The following ATP8A2 variants were observed in gnomAD, a reference collection of about 807,000 sequenced individuals.
ATP8A2 encodes ATPase phospholipid transporting 8A2, also known as phospholipid-transporting ATPase IB.
A neutral mutation model predicts 165.6 loss-of-function variants in ATP8A2; 100 were observed. The observed-to-expected ratio is 0.60, with a 90% CI of 0.51 to 0.71. ATP8A2 has a LOEUF of 0.71. ATP8A2 is among the 30% of genes least tolerant of loss of function. The pLI is 0.00. For synonymous variants in ATP8A2, 543 were observed against 548.8 expected (o/e 0.99, Z 0.15); for missense variants, 1,227 against 1,479.5 (o/e 0.83, Z 2.80).
chr13:25,988,892 A>C (rs1204116295), intron 35 of ATP8A2, among the ~76,000 whole-genome samples: 1 of 152,148 alleles, frequency 6.6e-6, no homozygotes, highest in East Asian at 1.9e-4. Context: ...GGGAGTTATT[A>C]TATTCTCCAC....
chr13:25,828,102 C>T lies in ATP8A2; in HGVS notation c.2680-16C>T. ...CAATATTGATATAAAACTTCATGAGCTTTCTTCTCTTTCAGCTTTGGTTCG... is the reference window on the plus strand; with the variant it reads ...CAATATTGATATAAAACTTCATGAGTTTTCTTCTCTTTCAGCTTTGGTTCG... On this transcript the variant is annotated splice_polypyrimidine_tract_variant and intron_variant, in intron 27 of 36. Transcript: ENST00000381655. 1 of 1,608,234 alleles carries T rather than the reference C, an allele frequency of 6.2e-7. No individual in the cohort carries two copies. Among genetic ancestry groups the T allele is most frequent in the Non-Finnish European group, 8.5e-7 (1 of 1,174,670 alleles).
At chr13:25,482,408 C>T (rs779625760) in intron 2 of ATP8A2, among the ~76,000 whole-genome samples, 23 of 151,964 alleles carry the variant, frequency 1.5e-4, no homozygotes, top group Admixed American at 7.2e-4. Flanking sequence ...AGTAGAAGGA[C>T]GGGGCAAAAC....
At chr13:25,800,986 G>A (rs1277168063) in intron 27 of ATP8A2, among the ~76,000 whole-genome samples, 1 of 152,166 alleles carries the variant, frequency 6.6e-6, no homozygotes, top group Non-Finnish European at 1.5e-5. Context: ...GGAAAAGGAT[G>A]CTTCCAGGCA....
At chr13:25,879,333 G>A (rs1371480763) in intron 33 of ATP8A2, among the ~76,000 whole-genome samples, 1 of 152,172 alleles carries the variant, frequency 6.6e-6, no homozygotes, top group Admixed American at 6.5e-5. Flanking sequence ...AGAAGTTCAG[G>A]GCTGTAACCT....
At chr13:25,652,216 A>G (rs1222674013) in intron 24 of ATP8A2, among the ~76,000 whole-genome samples, 1 of 152,230 alleles carries the variant, frequency 6.6e-6, no homozygotes, top group East Asian at 1.9e-4. Flanking sequence ...ACAGTTCTTG[A>G]TGCACAATCA....
chr13:25,399,894 C>CTTATT (rs1370788028), intron 1 of ATP8A2, among the ~76,000 whole-genome samples: 27 of 140,422 alleles, frequency 1.9e-4, no homozygotes, highest in Middle Eastern at 3.5e-3. Flanking sequence ...TCCTCCTCCT[C>CTTATT]CTCTTATTCT....
intron 24 of ATP8A2, among the ~76,000 whole-genome samples, chr13:25,644,668 G>C (rs1186866008): frequency 6.6e-6 from 1 of 151,934 alleles, no homozygotes; most frequent in East Asian, 1.9e-4. Context: ...TTAAACAGTG[G>C]AGCCATCTAG....
Position 25,787,476 on chromosome 13 carries a change from G to A in ATP8A2, c.2679+12517G>A, listed in dbSNP as rs375624986. ...TCACCTGTTGAAGGACATTTGGGCCGTTTCCTAATTTTGGTGATTATGAAT... is the reference window on the plus strand; with the variant it reads ...TCACCTGTTGAAGGACATTTGGGCCATTTCCTAATTTTGGTGATTATGAAT... On this transcript the variant is annotated intron_variant, in intron 27 of 36. Transcript: ENST00000381655. Among the ~76,000 whole-genome samples the A allele has an allele frequency of 3.2e-4, 48 of 152,268 alleles. 1 individual carries two copies. Among genetic ancestry groups the A allele is most frequent in the Middle Eastern group, 3.4e-3 (1 of 294 alleles).
At chr13:25,577,582 C>T (rs998361634) in intron 20 of ATP8A2, among the ~76,000 whole-genome samples, 3 of 152,154 alleles carry the variant, frequency 2.0e-5, no homozygotes, top group Admixed American at 6.5e-5. Context: ...GTTTTAGGTA[C>T]AAAGGCAATG....
At chr13:26,015,960 G>A (rs9512027) in intron 36 of ATP8A2, among the ~76,000 whole-genome samples, 32,483 of 152,180 alleles carry the variant, frequency 0.21, 4,150 homozygotes, top group Non-Finnish European at 0.3. Context: ...ATCTTCATCC[G>A]GTGGGACAGA....
chr13:25,547,583 A>G (rs1363152017), intron 10 of ATP8A2, among the ~76,000 whole-genome samples: 1 of 152,194 alleles, frequency 6.6e-6, no homozygotes, highest in Non-Finnish European at 1.5e-5. Flanking sequence ...GAGTTGTATA[A>G]TTATTTCACT....
intron 4 of ATP8A2, among the ~76,000 whole-genome samples, chr13:25,531,365 T>TATATATG (rs2038082210): frequency 8.0e-6 from 1 of 124,960 alleles, no homozygotes; most frequent in Admixed American, 8.5e-5. Context: ...TTATATATGA[T>TATATATG]ATATATATGT....
intron 24 of ATP8A2, among the ~76,000 whole-genome samples, chr13:25,641,950 C>A (rs941241126): frequency 6.6e-6 from 1 of 152,082 alleles, no homozygotes; most frequent in Non-Finnish European, 1.5e-5. Context: ...AATACCACAC[C>A]TCTACAACCA....
At chr13:25,960,518 C>A (rs2139181997) in intron 33 of ATP8A2, among the ~76,000 whole-genome samples, 1 of 152,186 alleles carries the variant, frequency 6.6e-6, no homozygotes, top group Non-Finnish European at 1.5e-5. Flanking sequence ...TGTTTGAGGC[C>A]TCCAGAAAAG....
rs1338912835 is a variant in ATP8A2 at position 25,551,480 on chromosome 13, A to C, written c.1034A>C (p.Lys345Thr). The C allele has an allele frequency of 6.2e-7, 1 of 1,610,514 alleles. No individual in the cohort carries two copies. The highest frequency in any genetic ancestry group is 1.7e-4 in the Middle Eastern group (1 of 6,046). The change falls in exon 11 of 37, where the codon AAG becomes ACG. Residue 345 changes from lysine (K) to threonine (T), a missense_variant. By Grantham distance (78) the Lys-to-Thr change is moderately conservative (BLOSUM62 -1). Around this residue, in one of 5 missense-constraint regions of ATP8A2, gnomAD observed 592 missense variants for 785.6 expected, o/e 0.75. Coordinates refer to ENST00000381655, the MANE Select transcript of ATP8A2 (RefSeq NM_016529.6). ...ALYWNRSHGE[K>T]NWYIKKMDTT... ...TACTGGAACAGGTCTCATGGTGAAA[A>C]GAACTGGTACATCAAGAAGATGGGT...
At chr13:25,673,470 A>G (rs144106860) in intron 24 of ATP8A2, among the ~76,000 whole-genome samples, 218 of 152,340 alleles carry the variant, frequency 1.4e-3, no homozygotes, top group African/African-American at 4.7e-3. Context: ...TATGATACCA[A>G]TGTAATTATA....
rs2037262445 is a variant in ATP8A2 at position 25,512,433 on chromosome 13, C to A, written c.222-17566C>A. The stretch of plus-strand genomic sequence containing the variant: ...ACGGGGTGGTGGCCGGGCAGAGGGG[C>A]TCCTCACTTCCCAGTGGGGGCGGCC... On this transcript the variant is annotated intron_variant, in intron 2 of 36. Transcript: ENST00000381655. 2.6e-5 allele frequency among the ~76,000 whole-genome samples: 4 copies of A among 152,222 alleles called. No homozygotes were observed. The South Asian group carries it at 8.3e-4, about 32-fold the overall frequency.
chr13:25,875,596 T>G (rs1242164258), intron 33 of ATP8A2, among the ~76,000 whole-genome samples: 2 of 151,884 alleles, frequency 1.3e-5, no homozygotes, highest in Non-Finnish European at 2.9e-5. Context: ...GATTAATGAA[T>G]TTAGCATTTT....
chr13:25,534,085 T>A (rs2038202065), intron 6 of ATP8A2: 4 of 469,900 alleles, frequency 8.5e-6, no homozygotes, highest in South Asian at 4.8e-5. Context: ...ACAATGTTTT[T>A]AAATGCCTCT....
Sources: allele counts gnomAD v4.1 joint callset (sites outside exome capture counted in the v4.1 genomes callset), GRCh38; gene constraint gnomAD v4.1.1; regional missense constraint gnomAD v4.1.1; transcripts MANE v1.5; gene names NCBI Gene and HGNC (gene_info 2026-07-23, HGNC 2026-07-21).